ERI1: variants seen among roughly 807,000 people sequenced by gnomAD.
ERI1 encodes exoribonuclease 1.
ERI1 carries 39 observed loss-of-function variants against 39.7 expected under a neutral mutation model. The observed-to-expected ratio is 0.98, with a 90% CI of 0.76 to 1.28. ERI1 has a LOEUF of 1.28. Among genes scored for constraint, ERI1 ranks in the 50% most tolerant of loss-of-function variants. The probability of loss-of-function intolerance (pLI) is 0.00; values close to 1 mark genes in which losing one functional copy is unlikely to be tolerated. For synonymous variants in ERI1, 204 were observed against 149.6 expected (o/e 1.36, Z -2.65); for missense variants, 581 against 416.9 (o/e 1.39, Z -3.43).
At position 9,020,334 on chromosome 8, in the gene ERI1, CT is replaced by C. The variant is rs756214848; in HGVS notation, c.693-10del. On this transcript the variant is annotated splice_polypyrimidine_tract_variant and intron_variant, in intron 5 of 6. Transcript: ENST00000250263. ...GCGTTTATTTCATCAATTTTTTGTC[CT>C]TTTTTAATTTATAGTTCTTGGGATA... The C allele has an allele frequency of 3.4e-6, 5 of 1,468,832 alleles. No homozygotes were observed. The highest frequency in any genetic ancestry group is 2.3e-5 in the Admixed American group (1 of 43,692). 91.0% of individuals were successfully genotyped at this position (1,468,832 alleles called of 1,614,324 possible).
intron 3 of ERI1, among the ~76,000 whole-genome samples, chr8:9,040,987 T>G (rs936586547): frequency 1.3e-5 from 2 of 152,210 alleles, no homozygotes; most frequent in Admixed American, 6.5e-5. Flanking sequence ...TGAAATTGCA[T>G]GCATACAAGG....
chr8:9,046,231 G>A (rs1020627245), intron 3 of ERI1, among the ~76,000 whole-genome samples: 7 of 152,214 alleles, frequency 4.6e-5, no homozygotes. Context: ...GGTTCTGAAA[G>A]ATGCTAGTTC....
At chr8:9,079,510 C>G (rs1799308535) in intron 3 of ERI1, among the ~76,000 whole-genome samples, 1 of 151,888 alleles carries the variant, frequency 6.6e-6, no homozygotes, top group South Asian at 2.1e-4. Flanking sequence ...AATGGGCTAG[C>G]AAAAAAGAGG....
intron 3 of ERI1, among the ~76,000 whole-genome samples, chr8:9,081,463 A>G (rs1563094066): frequency 6.6e-6 from 1 of 152,078 alleles, no homozygotes; most frequent in Non-Finnish European, 1.5e-5. Context: ...ATAAATTATT[A>G]TTTTTTTAAA....
At chr8:9,026,460 C>G (rs144284274) in intron 6 of ERI1, among the ~76,000 whole-genome samples, 38 of 152,256 alleles carry the variant, frequency 2.5e-4, no homozygotes, top group Middle Eastern at 3.4e-3. Flanking sequence ...CTATATACCT[C>G]TTATAAGTGG....
At chr8:9,008,174 A>T (rs1446672403) in intron 2 of ERI1, 26 bp downstream of exon 2, 3 of 1,501,740 alleles carry the variant, frequency 2.0e-6, no homozygotes, top group Non-Finnish European at 2.7e-6. Flanking sequence ...TTATAAAATT[A>T]TAAAAGTAGT....
intron 3 of ERI1, among the ~76,000 whole-genome samples, chr8:9,079,889 T>C (rs1232192120): frequency 6.6e-6 from 1 of 151,994 alleles, no homozygotes. Context: ...CAGGCTGGTC[T>C]TGAACACCTA....
chr8:9,009,078 C>T (rs2117189602), intron 2 of ERI1: 1 of 456,238 alleles, frequency 2.2e-6, no homozygotes, highest in Non-Finnish European at 4.4e-6. Context: ...AATTTTTGTC[C>T]TTCCCAGGTG....
intron 3 of ERI1, among the ~76,000 whole-genome samples, chr8:9,072,020 T>A (rs1359972370): frequency 1.3e-5 from 2 of 152,152 alleles, no homozygotes; most frequent in East Asian, 1.9e-4. Flanking sequence ...GAGTGGAGAT[T>A]GCACCACTGC....
intron 3 of ERI1, among the ~76,000 whole-genome samples, chr8:9,064,743 G>A (rs1798813122): frequency 1.3e-5 from 2 of 152,138 alleles, no homozygotes; most frequent in Admixed American, 1.3e-4. Flanking sequence ...AGGAGGACAG[G>A]GGATTGATCT....
chr8:9,028,934 A>T (rs190974685), intron 6 of ERI1, among the ~76,000 whole-genome samples: 6 of 151,080 alleles, frequency 4.0e-5, no homozygotes, highest in African/African-American at 7.3e-5. Context: ...AATAATTCTT[A>T]AAAGTGGAGG....
intron 3 of ERI1, among the ~76,000 whole-genome samples, chr8:9,065,006 G>T (rs1420347405): frequency 2.0e-5 from 3 of 152,146 alleles, no homozygotes; most frequent in African/African-American, 7.2e-5. Context: ...CTCAGTAGGG[G>T]AGCTTTTGAG....
intron 3 of ERI1, among the ~76,000 whole-genome samples, chr8:9,039,920 T>G (rs990467973): frequency 1.3e-5 from 2 of 152,236 alleles, no homozygotes; most frequent in African/African-American, 4.8e-5. Context: ...AGCAGTTTTG[T>G]CTATAGGTTT....
At chr8:9,084,481 C>T (rs1273331304) in intron 3 of ERI1, among the ~76,000 whole-genome samples, 1 of 152,150 alleles carries the variant, frequency 6.6e-6, no homozygotes, top group Admixed American at 6.5e-5. Flanking sequence ...TGCCTGCCTT[C>T]CCGATATCAA....
intron 3 of ERI1, among the ~76,000 whole-genome samples, chr8:9,050,880 A>G (rs1287044727): frequency 6.6e-6 from 1 of 152,114 alleles, no homozygotes; most frequent in Admixed American, 6.5e-5. Context: ...ATAAGGTGCA[A>G]AAGTGACTCA....
At chr8:9,064,671 C>G (rs924215275) in intron 3 of ERI1, among the ~76,000 whole-genome samples, 2 of 152,118 alleles carry the variant, frequency 1.3e-5, no homozygotes, top group African/African-American at 2.4e-5. Flanking sequence ...TGAGTTGTTC[C>G]TTGGGCTGGT....
At chr8:9,016,559 AAAC>A (rs1817311351) in intron 4 of ERI1, among the ~76,000 whole-genome samples, 154 bp downstream of exon 4, 1 of 152,148 alleles carries the variant, frequency 6.6e-6, no homozygotes, top group African/African-American at 2.4e-5. Context: ...AAAAAAAAAA[AAAC>A]AGCAAATTTT....
chr8:9,032,138 A>G lies in ERI1; in HGVS notation c.*2104A>G, dbSNP rs773332319. ...GGGATTTTGCTGATGAGATGATACT[A>G]AACATTGAGAGTACTGCTTTTTACT... is the stretch of plus-strand genomic sequence containing the variant. On this transcript the variant is annotated 3_prime_UTR_variant, in exon 7 of 7. Coordinates refer to ENST00000250263, the MANE Select transcript of ERI1 (RefSeq NM_153332.4). 3.9e-5 allele frequency: 6 copies of G among 152,222 alleles called. No individual in the cohort carries two copies. The highest frequency in any genetic ancestry group is 8.8e-5 in the Non-Finnish European group (6 of 68,036). 9.4% of individuals were successfully genotyped at this position (152,222 alleles called of 1,614,324 possible). A position where few individuals can be genotyped will look rare whatever the true frequency, so the allele number is the denominator to read the frequency against.
intron 2 of ERI1, among the ~76,000 whole-genome samples, chr8:9,010,118 A>G (rs1816506183): frequency 6.6e-6 from 1 of 152,198 alleles, no homozygotes; most frequent in Non-Finnish European, 1.5e-5. Flanking sequence ...AGAATTAGAG[A>G]GAATCATATT....
Sources: gnomAD v4.1 joint callset for allele counts (sites outside exome capture counted in the v4.1 genomes callset) on GRCh38, gnomAD v4.1.1 for gene constraint, MANE v1.5 for transcripts, NCBI Gene and HGNC (gene_info 2026-07-23, HGNC 2026-07-21) for gene names.